Variants in TP53I13 observed in about 807,000 individuals in gnomAD.
TP53I13 encodes the protein tumor protein p53 inducible protein 13, also known as tumor protein p53-inducible protein 13.
Under a neutral mutation model 39.1 loss-of-function variants are expected in TP53I13, and 27 were observed. The observed-to-expected ratio is 0.69, with a 90% confidence interval of 0.51 to 0.95. The LOEUF is 0.95. Among genes scored for constraint, TP53I13 ranks in the 40% least tolerant of loss-of-function variants. The pLI is 0.00. For synonymous variants in TP53I13, 230 were observed against 224.6 expected, an observed-to-expected ratio of 1.02 and a Z score of -0.22; for missense variants, 544 against 520.4, an observed-to-expected ratio of 1.05 and a Z score of -0.44.
the TP53I13 span, chr17:29,582,186 G>A: frequency 2.8e-6 from 4 of 1,415,574 alleles, no homozygotes; most frequent in Non-Finnish European, 2.9e-6. Context: ...ATGTGCGTGA[G>A]GCGCACCTCC....
downstream of TP53I13, chr17:29,577,599 C>T (rs2278217): frequency 3.2e-5 from 39 of 1,230,568 alleles, no homozygotes; most frequent in African/African-American, 7.3e-5. Context: ...GGAGGGACCG[C>T]GGGGATGAAG....
chr17:29,567,127 G>C (rs1813189004), upstream of TP53I13: 3 of 408,830 alleles, frequency 7.3e-6, no homozygotes, highest in Non-Finnish European at 1.1e-5. The surrounding 1 kb of genome is among the most constrained non-coding windows in gnomAD (Gnocchi z 6.6). Flanking sequence ...CAGCCAGTTC[G>C]GGCCCGGCTG....
chr17:29,581,850 G>T, the TP53I13 span: 1 of 1,611,070 alleles, frequency 6.2e-7, no homozygotes, highest in Non-Finnish European at 8.5e-7. The surrounding 1 kb of genome is among the most constrained non-coding windows in gnomAD (Gnocchi z 4.8). Flanking sequence ...TGAGGAGGGG[G>T]TATGGCTCAG....
At chr17:29,575,375 C>T, downstream of TP53I13, 1 of 1,613,680 alleles carries the variant, frequency 6.2e-7, no homozygotes, top group Non-Finnish European at 8.5e-7. This position sits in a 1 kb window ranked among gnomAD's most constrained non-coding sequence, Gnocchi z 5.5. Flanking sequence ...ATCCTCTGTG[C>T]TGGGAAGCCC....
chr17:29,581,456 A>ATGT, the TP53I13 span: 1 of 1,150,798 alleles, frequency 8.7e-7, no homozygotes, highest in South Asian at 1.2e-5. The surrounding 1 kb of genome is among the most constrained non-coding windows in gnomAD (Gnocchi z 4.8). Context: ...CCTCACTGCC[A>ATGT]TGAGCAGGGC....
In TP53I13 at chr17:29,572,233, C is replaced by T. The variant is rs1237850548; in HGVS notation, c.605C>T (p.Ala202Val). ...QGPRQPSSSGAKRRRLRAALG... is the reference protein window; with the variant it reads ...QGPRQPSSSGVKRRRLRAALG... ...CCCAGGCAGCCCTCTTCTAGTGGTG[C>T]CAAGAGGCGGAGGCTGCGGGCTGCC... The change falls in exon 6 of 7, where the codon GCC becomes GTC. Residue 202 changes from alanine to valine, a missense_variant. Transcript: ENST00000301057. 5.6e-6 allele frequency: 9 copies of T among 1,612,448 alleles called. No homozygotes were observed. The highest frequency in any genetic ancestry group is 1.3e-5 in the African/African-American group (1 of 75,062).
chr17:29,574,578 A>G (rs1280107862), downstream of TP53I13: 3 of 847,662 alleles, frequency 3.5e-6, no homozygotes, highest in Non-Finnish European at 5.9e-6. Context: ...GCTGCCAGGG[A>G]GTGTGGCAGC....
downstream of TP53I13, chr17:29,577,513 A>G: frequency 1.4e-6 from 1 of 731,746 alleles, no homozygotes; most frequent in Non-Finnish European, 2.5e-6. Context: ...CCCAAATCCC[A>G]GTGCCAGCTG....
At position 29,571,739 on chromosome 17, in the gene TP53I13, C is replaced by G; in HGVS notation, c.312+20C>G. Reference sequence around the variant, plus strand: ...GATCGGGTATGTAGCTGATGAAAGGCGCTTGCCTGGCCCTGGCAGAAGGCT... The same window carrying G: ...GATCGGGTATGTAGCTGATGAAAGGGGCTTGCCTGGCCCTGGCAGAAGGCT... On this transcript the variant is annotated intron_variant, in intron 4 of 6. Coordinates refer to ENST00000301057, the MANE Select transcript of TP53I13 (RefSeq NM_138349.4). The G allele has an allele frequency of 1.2e-6, 2 of 1,613,994 alleles. No homozygotes were observed. Among genetic ancestry groups the G allele is most frequent in the Non-Finnish European group, 1.7e-6 (2 of 1,180,018 alleles).
chr17:29,576,342 C>T (rs1005293568), downstream of TP53I13: 9 of 1,613,294 alleles, frequency 5.6e-6, no homozygotes, highest in Non-Finnish European at 6.8e-6. Context: ...TGTGTGCTCC[C>T]GCCTGGCGCC....
At chr17:29,574,900 C>A, downstream of TP53I13, 1 of 1,567,114 alleles carries the variant, frequency 6.4e-7, no homozygotes, top group South Asian at 1.1e-5. Context: ...TCCGCACTGG[C>A]TCCAGGGCTG....
rs749109943 is a variant in TP53I13 at position 29,572,607 on chromosome 17, G to A, written c.979G>A (p.Ala327Thr). The change falls in exon 6 of 7, where the codon GCC (alanine) becomes ACC (threonine). Residue 327 changes from alanine (A) to threonine (T), a missense_variant. Transcript: ENST00000301057. ...LTFLLVLLTL[A>T]TLCTRLHRNF... Reference sequence around the variant, plus strand: ...CTTCCTGCTGGTGCTGCTCACCCTGGCCACGCTCTGCACACGGCTGCACAG... The same window carrying A: ...CTTCCTGCTGGTGCTGCTCACCCTGACCACGCTCTGCACACGGCTGCACAG... 1.9e-6 allele frequency: 3 copies of A among 1,590,502 alleles called. No homozygotes were observed. Among genetic ancestry groups the A allele is most frequent in the Admixed American group, 3.5e-5 (2 of 56,614 alleles).
chr17:29,581,096 A>G, the TP53I13 span: 1 of 563,088 alleles, frequency 1.8e-6, no homozygotes, highest in Non-Finnish European at 3.2e-6. This position sits in a 1 kb window ranked among gnomAD's most constrained non-coding sequence, Gnocchi z 4.8. Flanking sequence ...AGCTTCTCAC[A>G]CCCAAGCCCT....
chr17:29,573,054 C>T lies in TP53I13; in HGVS notation c.*130C>T, dbSNP rs915619288. On this transcript the variant is annotated 3_prime_UTR_variant, in exon 7 of 7. Transcript: ENST00000301057. ...CGGCACTGGCCGAGCACTGCGGGGG[C>T]TTTCCTCCTTGTTGGTTGCTGAGTG... 13 of 711,638 alleles carry T rather than the reference C, an allele frequency of 1.8e-5. No homozygotes were observed. The highest frequency in any genetic ancestry group is 2.6e-5 in the Non-Finnish European group (13 of 493,440). 44.1% of individuals were successfully genotyped at this position (711,638 alleles called of 1,614,324 possible).
At chr17:29,571,532 C>G in intron 3 of TP53I13, 59 bp from the exon 4 acceptor site, 1 of 1,603,354 alleles carries the variant, frequency 6.2e-7, no homozygotes, top group South Asian at 1.1e-5. Flanking sequence ...GATGGGAGAA[C>G]TTGAGATTCT....
chr17:29,569,029 A>G lies in TP53I13; in HGVS notation c.84A>G (p.Gly28=). ...RLLGPSEVMA[G]PAEEAGAHCP... is the part of the protein sequence containing the mutation. Reference sequence around the variant, plus strand: ...CTTTGGACCCACAGGTGATGGCTGGACCGGCGGAGGAGGCGGGAGCCCATT... The same window carrying G: ...CTTTGGACCCACAGGTGATGGCTGGGCCGGCGGAGGAGGCGGGAGCCCATT... Residue 28 remains glycine (G), a synonymous_variant, in exon 2 of 7, where the codon GGA becomes GGG. Transcript: ENST00000301057. 1 of 1,609,572 alleles carries G rather than the reference A, an allele frequency of 6.2e-7. No homozygotes were observed. The highest frequency in any genetic ancestry group is 1.7e-4 in the Middle Eastern group (1 of 6,050).
the TP53I13 span, chr17:29,578,469 C>G: frequency 9.1e-7 from 1 of 1,099,768 alleles, no homozygotes; most frequent in African/African-American, 1.5e-5. Context: ...AACCGGTGGC[C>G]TTCCTTGTGC....
At chr17:29,569,788 C>G (rs191960385) in intron 3 of TP53I13, 1 of 196,492 alleles carries the variant, frequency 5.1e-6, no homozygotes, top group Non-Finnish European at 1.1e-5. Context: ...GTGCCAGCAC[C>G]GTGTACAGTA....
At chr17:29,581,991 C>G in the TP53I13 span, 1 of 1,612,888 alleles carries the variant, frequency 6.2e-7, no homozygotes, top group African/African-American at 1.3e-5. The surrounding 1 kb of genome is among the most constrained non-coding windows in gnomAD (Gnocchi z 4.8). Context: ...CCATACACTA[C>G]AAGCAGCTCG....
Sources: gnomAD v4.1 joint callset for allele counts on GRCh38, gnomAD v4.1.1 for gene constraint, Gnocchi (gnomAD v3.1) non-coding constraint, MANE v1.5 for transcripts, NCBI Gene and HGNC (gene_info 2026-07-23, HGNC 2026-07-21) for gene names.